SEMA3D: variants seen among roughly 807,000 people sequenced by gnomAD.
The protein encoded by SEMA3D is semaphorin-3D.
Under a neutral mutation model 100.1 loss-of-function variants are expected in SEMA3D, and 84 were observed. The observed-to-expected ratio is 0.84, with a 90% CI of 0.70 to 1.01. The LOEUF is 1.01. Ranked by LOEUF, SEMA3D falls within the 50% of genes least tolerant of loss-of-function variation. The pLI is 0.00. For missense variants in SEMA3D, 875 were observed against 934.1 expected, an observed-to-expected ratio of 0.94 and a Z score of 0.82; for synonymous variants, 312 against 320.7, an observed-to-expected ratio of 0.97 and a Z score of 0.29.
chr7:85,037,220 A>C lies in SEMA3D; in HGVS notation c.1047-187T>G, dbSNP rs190840860. ...GCCAAGCAATTCTAAATAAAGTGTA[A>C]TAATAACTTCATCGCCAGTAAATAT... On this transcript the variant is annotated intron_variant, in intron 11 of 18. Transcript: ENST00000284136. Among the ~76,000 whole-genome samples the C allele has an allele frequency of 8.5e-5, 13 of 152,314 alleles. No homozygotes were observed. The East Asian group carries it at 2.5e-3, about 29-fold the overall frequency.
chr7:85,098,154 A>G (rs1788627412), intron 3 of SEMA3D, among the ~76,000 whole-genome samples, 189 bp from the exon 4 acceptor site: 1 of 151,830 alleles, frequency 6.6e-6, no homozygotes, highest in African/African-American at 2.4e-5. Context: ...TACTTGCCTA[A>G]ATATACATAT....
the SEMA3D span, among the ~76,000 whole-genome samples, chr7:85,230,064 C>T: frequency 6.6e-6 from 1 of 152,182 alleles, no homozygotes; most frequent in African/African-American, 2.4e-5. Context: ...TCTCTTACTA[C>T]TTCCAGATAA....
At chr7:85,148,321 GA>G (rs1223845141) in intron 2 of SEMA3D, among the ~76,000 whole-genome samples, 2 of 151,934 alleles carry the variant, frequency 1.3e-5, no homozygotes, top group African/African-American at 2.4e-5. Context: ...ATCTTAATAT[GA>G]CTTGTTTTAG....
intron 3 of SEMA3D, among the ~76,000 whole-genome samples, chr7:85,106,019 C>T (rs374932321): frequency 5.9e-5 from 9 of 152,008 alleles, no homozygotes; most frequent in South Asian, 2.1e-4. Flanking sequence ...TTTATAGTTA[C>T]GGAGTAAATT....
At chr7:85,025,863 C>T (rs1790378458) in intron 12 of SEMA3D, among the ~76,000 whole-genome samples, 1 of 152,034 alleles carries the variant, frequency 6.6e-6, no homozygotes, top group Non-Finnish European at 1.5e-5. Context: ...GAGGTAATTT[C>T]TCTCCTTCCC....
chr7:85,160,262 A>G (rs962162754), intron 1 of SEMA3D, among the ~76,000 whole-genome samples: 2 of 152,180 alleles, frequency 1.3e-5, no homozygotes, highest in African/African-American at 4.8e-5. Context: ...ATGAACATGC[A>G]GTCAGAATGA....
the SEMA3D span, among the ~76,000 whole-genome samples, chr7:85,238,346 T>TATAG: frequency 2.0e-5 from 3 of 152,210 alleles, no homozygotes; most frequent in Non-Finnish European, 4.4e-5. Context: ...TCATTTTACA[T>TATAG]ATAGATCTAT....
At chr7:85,203,883 C>T in the SEMA3D span, among the ~76,000 whole-genome samples, 1 of 151,740 alleles carries the variant, frequency 6.6e-6, no homozygotes, top group Non-Finnish European at 1.5e-5. Flanking sequence ...GGCTAATCTG[C>T]CAATACCATA....
intron 1 of SEMA3D, chr7:85,157,571 G>T (rs544485695): frequency 6.3e-5 from 39 of 616,286 alleles, no homozygotes; most frequent in Admixed American, 3.2e-4. Flanking sequence ...GTCCCAATAT[G>T]ATCTCATATT....
chr7:85,065,815 T>C lies in SEMA3D; in HGVS notation c.590-263A>G, dbSNP rs113454831. Among the ~76,000 whole-genome samples the C allele has an allele frequency of 0.011, 1,747 of 152,340 alleles. 17 individuals are homozygous for C. Among genetic ancestry groups the C allele is most frequent in the Non-Finnish European group, 0.019 (1,268 of 68,034 alleles). The stretch of plus-strand genomic sequence containing the variant: ...ATAATTGCACATGCATTAGCTTCCC[T>C]TTTGAATAAATAATAAGTGTTTCCT... On this transcript the variant is annotated intron_variant, in intron 7 of 18. Coordinates refer to ENST00000284136, the MANE Select transcript of SEMA3D (RefSeq NM_001384900.1).
intron 12 of SEMA3D, among the ~76,000 whole-genome samples, chr7:85,027,564 T>C (rs1346174332): frequency 6.6e-6 from 1 of 152,046 alleles, no homozygotes; most frequent in East Asian, 1.9e-4. Flanking sequence ...AGAATATTCT[T>C]AGTCAAGTTT....
intron 9 of SEMA3D, among the ~76,000 whole-genome samples, chr7:85,054,889 A>G (rs1444294944): frequency 6.6e-6 from 1 of 152,112 alleles, no homozygotes; most frequent in East Asian, 1.9e-4. Context: ...AAGTTAAAGT[A>G]TGATTCTAGT....
At chr7:85,031,881 C>G (rs1403602257) in intron 12 of SEMA3D, among the ~76,000 whole-genome samples, 2 of 151,750 alleles carry the variant, frequency 1.3e-5, no homozygotes, top group African/African-American at 4.8e-5. Flanking sequence ...AATTGGGCTG[C>G]TTTTAGAAAA....
Position 85,042,267 on chromosome 7 carries a change from G to T in SEMA3D, c.880C>A (p.Arg294Ser). ...RVCKNDVGGQ[R>S]SLINKWTTFL... ...GTCGTCCACTTGTTTATCAGGCTGC[G>T]TTGTCCTCCTACATCATTCTGACAT... Residue 294 changes from arginine to serine, a missense_variant, in exon 10 of 19, where the codon CGC becomes AGC. Coordinates refer to ENST00000284136, the MANE Select transcript of SEMA3D (RefSeq NM_001384900.1). 6.2e-7 allele frequency: 1 copy of T among 1,610,318 alleles called. No homozygotes were observed. Among genetic ancestry groups the T allele is most frequent in the Non-Finnish European group, 8.5e-7 (1 of 1,177,074 alleles).
chr7:85,197,459 C>A, the SEMA3D span, among the ~76,000 whole-genome samples: 1 of 151,868 alleles, frequency 6.6e-6, no homozygotes, highest in African/African-American at 2.4e-5. Flanking sequence ...AGCCTGGAAA[C>A]CCCCACCACC....
At position 85,052,257 on chromosome 7, in the gene SEMA3D, T is replaced by C. The variant is rs1331913104; in HGVS notation, c.861+3460A>G. Among the ~76,000 whole-genome samples, 3 of 151,940 alleles carry C rather than the reference T, an allele frequency of 2.0e-5. No homozygotes were observed. In the East Asian group the frequency reaches 5.8e-4, roughly 29 times the overall value. ...ATTCTTCAAATTGCTGCTAACTATA[T>C]TTACCTATCTTGTCACTTCTCTGCT... On this transcript the variant is annotated intron_variant, in intron 9 of 18. Coordinates refer to ENST00000284136, the MANE Select transcript of SEMA3D (RefSeq NM_001384900.1).
rs375464667 is a variant in SEMA3D, at chr7:85,151,119, G to A, written c.-41+2489C>T. The stretch of plus-strand genomic sequence containing the variant: ...ACACACACACACACACACACACACC[G>A]CACATATATAATTAGAGACGTTATC... On this transcript the variant is annotated intron_variant, in intron 2 of 18. Transcript: ENST00000284136. 7.4e-5 allele frequency among the ~76,000 whole-genome samples: 11 copies of A among 147,748 alleles called. No individual in the cohort carries two copies. The East Asian group carries it at 1.6e-3, about 22-fold the overall frequency.
intron 1 of SEMA3D, among the ~76,000 whole-genome samples, chr7:85,183,041 T>C (rs1275382444): frequency 6.6e-6 from 1 of 152,146 alleles, no homozygotes; most frequent in Non-Finnish European, 1.5e-5. Context: ...TCCAAAATAA[T>C]GAAGTTATAA....
At chr7:85,136,460 C>A (rs766199462) in intron 2 of SEMA3D, among the ~76,000 whole-genome samples, 1 of 151,974 alleles carries the variant, frequency 6.6e-6, no homozygotes, top group Non-Finnish European at 1.5e-5. Context: ...TTATTTAAAG[C>A]AAGCTTATAT....
Sources: gnomAD v4.1 joint callset for allele counts (sites outside exome capture counted in the v4.1 genomes callset) on GRCh38, gnomAD v4.1.1 for gene constraint, MANE v1.5 for transcripts, NCBI Gene and HGNC (gene_info 2026-07-23, HGNC 2026-07-21) for gene names.